SYNPO: variants seen among roughly 807,000 people sequenced by gnomAD.
SYNPO encodes synaptopodin.
SYNPO carries 19 observed loss-of-function variants against 49.5 expected under a neutral mutation model. That is an observed-to-expected ratio of 0.38 (90% confidence interval 0.27 to 0.56). The LOEUF (loss-of-function observed/expected upper bound fraction) is 0.56. SYNPO is among the 20% of genes least tolerant of loss of function. The pLI is 0.68. For missense variants in SYNPO, 1,131 were observed against 1,248.3 expected (o/e 0.91, Z 1.42); for synonymous variants, 536 against 548.0 (o/e 0.98, Z 0.31).
rs145720408 is a variant in SYNPO, at chr5:150,648,572, C to T, written c.297C>T (p.Asn99=). The change falls in exon 2 of 3, where the codon AAC becomes AAT. Residue 99 remains asparagine (N), a synonymous_variant. Transcript: ENST00000307662. This position sits in a 1 kb window ranked among gnomAD's most constrained non-coding sequence, Gnocchi z 5.0. Reference sequence around the variant, plus strand: ...CGCCAGCCACCGATGTCAATCAGAACCCACCGGCAACTGTTGTCCCACAGA... The same window carrying T: ...CGCCAGCCACCGATGTCAATCAGAATCCACCGGCAACTGTTGTCCCACAGA... ...HNPPATDVNQ[N]PPATVVPQSL... 225 of 1,614,202 alleles carry T rather than the reference C, an allele frequency of 1.4e-4. No homozygotes were observed. In the African/African-American group the frequency reaches 2.0e-3, roughly 14 times the overall value.
At position 150,656,711 on chromosome 5, in the gene SYNPO, A is replaced by G; in HGVS notation, c.2336A>G (p.Asn779Ser). Residue 779 changes from asparagine to serine, a missense_variant, in exon 3 of 3, where the codon AAC (asparagine) becomes AGC (serine). Asn to Ser is a conservative substitution (Grantham distance 46, BLOSUM62 1). Coordinates refer to ENST00000307662, the MANE Select transcript of SYNPO (RefSeq NM_007286.6). ...TCCCCGCGGTCGGCGGGCGCCGAGA[A>G]CCCGCGGCCCTTCTCCCCGCCGAGG... ...SASPRSAGAE[N>S]PRPFSPPRAP... 7.0e-7 allele frequency: 1 copy of G among 1,425,938 alleles called. No homozygotes were observed. 88.3% of individuals were successfully genotyped at this position (1,425,938 alleles called of 1,614,324 possible). A position where few individuals can be genotyped will look rare whatever the true frequency, so the allele number is the denominator to read the frequency against.
At chr5:150,587,474 T>C in the SYNPO span, among the ~76,000 whole-genome samples, 1 of 151,692 alleles carries the variant, frequency 6.6e-6, no homozygotes, top group Admixed American at 6.6e-5. Context: ...GCTGGGTAGG[T>C]AGGTGGATAA....
At chr5:150,602,997 G>GAGGTGTGT (rs1554106604) in intron 1 of SYNPO, among the ~76,000 whole-genome samples, 1 of 131,184 alleles carries the variant, frequency 7.6e-6, no homozygotes, top group African/African-American at 3.0e-5. Flanking sequence ...GCCACCTTAG[G>GAGGTGTGT]GTGTGTGTGT....
In SYNPO at chr5:150,607,353, G is replaced by A. The variant is rs143926159; in HGVS notation, c.-266+6165G>A. ...AGGTTATGGTCTTACAATGCTCTGT[G>A]CTGGTCTGGGTTTCCTGTAATATTG... On this transcript the variant is annotated intron_variant, in intron 1 of 2. Transcript: ENST00000394243. Among the ~76,000 whole-genome samples, 332 of 152,302 alleles carry A rather than the reference G, an allele frequency of 2.2e-3. 1 individual carries two copies. Among genetic ancestry groups the A allele is most frequent in the Non-Finnish European group, 2.7e-3 (182 of 68,032 alleles).
At chr5:150,628,772 G>A (rs756233685) in intron 2 of SYNPO, among the ~76,000 whole-genome samples, 1 of 152,202 alleles carries the variant, frequency 6.6e-6, no homozygotes, top group Non-Finnish European at 1.5e-5. Flanking sequence ...ACCAGGAATG[G>A]TGGTGCATGC....
chr5:150,596,536 C>T (rs1756427838), upstream of SYNPO, among the ~76,000 whole-genome samples: 1 of 152,138 alleles, frequency 6.6e-6, no homozygotes, highest in Non-Finnish European at 1.5e-5. Context: ...GGAAGTCCAC[C>T]CCGCCCTCCA....
chr5:150,619,728 G>A (rs553495039), intron 2 of SYNPO, among the ~76,000 whole-genome samples: 1 of 152,308 alleles, frequency 6.6e-6, no homozygotes, highest in Admixed American at 6.5e-5. Context: ...TCAGGAAACT[G>A]AAGGAACACT....
At chr5:150,608,620 C>A (rs1470034347) in intron 1 of SYNPO, 1 of 152,124 alleles carries the variant, frequency 6.6e-6, no homozygotes, top group African/African-American at 2.4e-5. Flanking sequence ...GTGGGGTCTG[C>A]ACTTTCCCCA....
In SYNPO at chr5:150,649,058, G is replaced by A. The variant is rs144793851; in HGVS notation, c.783G>A (p.Glu261=). The A allele has an allele frequency of 6.0e-5, 97 of 1,613,972 alleles. No homozygotes were observed. In the African/African-American group the frequency reaches 9.5e-4, roughly 16 times the overall value. ...TSQMERSPML[E]RRHFGEKAPA... ...AGATGGAGAGGAGCCCCATGCTAGA[G>A]AGACGACATTTTGGGGAGAAGGCCC... The change falls in exon 2 of 3, where the codon GAG becomes GAA. Residue 261 remains glutamate, a synonymous_variant. Transcript: ENST00000307662.
At chr5:150,634,026 A>G (rs1007684536) in intron 2 of SYNPO, among the ~76,000 whole-genome samples, 23 of 152,292 alleles carry the variant, frequency 1.5e-4, no homozygotes, top group Middle Eastern at 3.4e-3. Flanking sequence ...TATTAACATT[A>G]TGGAGTCTTA....
exon 2 of SYNPO, chr5:150,618,106 G>A: frequency 2.4e-6 from 1 of 419,528 alleles, no homozygotes; most frequent in Non-Finnish European, 4.2e-6. Flanking sequence ...CCGATAGATT[G>A]CCCCAAAGCG....
upstream of SYNPO, among the ~76,000 whole-genome samples, chr5:150,598,219 A>G (rs1046626686): frequency 1.8e-4 from 27 of 152,080 alleles, no homozygotes; most frequent in African/African-American, 6.3e-4. Flanking sequence ...CATCCAGCGC[A>G]GCAAATGTTC....
chr5:150,612,016 G>C (rs1756861162), intron 1 of SYNPO, among the ~76,000 whole-genome samples: 1 of 152,228 alleles, frequency 6.6e-6, no homozygotes, highest in African/African-American at 2.4e-5. Context: ...GAAGGGCTTG[G>C]AATTCCCCGC....
intron 1 of SYNPO, among the ~76,000 whole-genome samples, chr5:150,610,754 G>A (rs1174429761): frequency 6.6e-6 from 1 of 152,174 alleles, no homozygotes; most frequent in Non-Finnish European, 1.5e-5. Flanking sequence ...GTGAGGAGAT[G>A]CTCTACCAAT....
chr5:150,611,438 A>C (rs1180994794), intron 1 of SYNPO, among the ~76,000 whole-genome samples: 1 of 152,222 alleles, frequency 6.6e-6, no homozygotes, highest in Non-Finnish European at 1.5e-5. Flanking sequence ...TCTGAGGCTG[A>C]ACTGAAGCCT....
rs1426051748 is a variant in SYNPO, at chr5:150,656,854, C to T, written c.2479C>T (p.Pro827Ser). The change falls in exon 3 of 3, where the codon CCG becomes TCG. Residue 827 changes from proline to serine, a missense_variant. By Grantham distance (74) the Pro-to-Ser change is moderately conservative. Transcript: ENST00000307662. ...AGCCTTCGCGCCCATCCCGCGGAGCCCGTTGCCCGCCGGTCCTTCGTCCTG... is the reference window on the plus strand; with the variant it reads ...AGCCTTCGCGCCCATCCCGCGGAGCTCGTTGCCCGCCGGTCCTTCGTCCTG... Reference protein sequence around the residue: ...GAAFAPIPRSPLPAGPSSCTS... With the variant: ...GAAFAPIPRSSLPAGPSSCTS... 2 of 1,559,818 alleles carry T rather than the reference C, an allele frequency of 1.3e-6. No homozygotes were observed. The highest frequency in any genetic ancestry group is 2.4e-5 in the East Asian group (1 of 41,358).
chr5:150,595,789 C>T, the SYNPO span, among the ~76,000 whole-genome samples: 2 of 141,878 alleles, frequency 1.4e-5, no homozygotes, highest in African/African-American at 5.1e-5. Context: ...TTCTTAATCT[C>T]CCCCCACCCC....
chr5:150,592,724 C>T, the SYNPO span, among the ~76,000 whole-genome samples: 1 of 152,040 alleles, frequency 6.6e-6, no homozygotes. Context: ...TAAGGCTTGA[C>T]CCTTCTTTCT....
chr5:150,601,035 C>G (rs1756512406), upstream of SYNPO: 1 of 152,208 alleles, frequency 6.6e-6, no homozygotes, highest in Admixed American at 6.5e-5. Context: ...CGCCCGCCCC[C>G]CTGACACCCT....
Sources: allele counts gnomAD v4.1 joint callset (sites outside exome capture counted in the v4.1 genomes callset), GRCh38; gene constraint gnomAD v4.1.1; non-coding constraint Gnocchi (gnomAD v3.1); transcripts MANE v1.5; gene names NCBI Gene and HGNC (gene_info 2026-07-23, HGNC 2026-07-21).